Variants in SLC25A48 observed in about 807,000 individuals in gnomAD.
SLC25A48 encodes the protein CTC-321K16.1.
In SLC25A48, 29 loss-of-function variants were observed where a neutral mutation model predicts 32.2. That is an observed-to-expected ratio of 0.90 (90% CI 0.67 to 1.23). The LOEUF (loss-of-function observed/expected upper bound fraction) is 1.23, where lower values mean the gene tolerates loss of function less well. Ranked by LOEUF, SLC25A48 falls within the 50% of genes most tolerant of loss-of-function variation. The pLI is 0.00. For missense variants in SLC25A48, 399 were observed against 422.7 expected (o/e 0.94, Z 0.49); for synonymous variants, 164 against 172.3 (o/e 0.95, Z 0.38).
In SLC25A48 at chr5:135,626,866, T is replaced by C. The variant is rs6883273; in HGVS notation, c.-848-2371T>C. 9.4e-3 allele frequency among the ~76,000 whole-genome samples: 1,429 copies of C among 152,268 alleles called. 25 individuals are homozygous for C. The highest frequency in any genetic ancestry group is 0.033 in the African/African-American group (1,357 of 41,552). On this transcript the variant is annotated intron_variant, in intron 1 of 10. Transcript: ENST00000646290. ...CTGCACTGCCCTCAGTCCCAGATTG[T>C]CCAGGCCAGACCTTCCGATGCTCCT...
chr5:135,713,345 C>T (rs866594521), intron 3 of SLC25A48, among the ~76,000 whole-genome samples: 22 of 152,180 alleles, frequency 1.4e-4, no homozygotes, highest in African/African-American at 4.3e-4. Context: ...CATACTTTTA[C>T]GAAACTTTTT....
At chr5:135,824,017 G>A (rs1757959595) in intron 4 of SLC25A48, among the ~76,000 whole-genome samples, 1 of 152,148 alleles carries the variant, frequency 6.6e-6, no homozygotes, top group African/African-American at 2.4e-5. Flanking sequence ...AGACAGATAA[G>A]ACAGATAAGA....
intron 3 of SLC25A48, among the ~76,000 whole-genome samples, chr5:135,709,413 G>A (rs185005608): frequency 9.8e-5 from 15 of 152,326 alleles, no homozygotes; most frequent in East Asian, 3.9e-4. Context: ...CTTAACCCAC[G>A]GGTCCTGGCT....
intron 3 of SLC25A48, among the ~76,000 whole-genome samples, chr5:135,799,283 C>A (rs143128184): frequency 2.0e-5 from 3 of 151,712 alleles, no homozygotes; most frequent in African/African-American, 7.2e-5. Context: ...GATAATATTA[C>A]TACCAATATT....
chr5:135,661,218 G>A (rs1325971069), intron 3 of SLC25A48, among the ~76,000 whole-genome samples: 1 of 152,218 alleles, frequency 6.6e-6, no homozygotes, highest in Admixed American at 6.5e-5. Context: ...TCCTGCAGCT[G>A]CCTCTCTTCC....
At chr5:135,632,007 G>A (rs1752585975) in intron 2 of SLC25A48, among the ~76,000 whole-genome samples, 1 of 152,208 alleles carries the variant, frequency 6.6e-6, no homozygotes, top group Non-Finnish European at 1.5e-5. Context: ...TTTCTTCAGA[G>A]CCCCTCTACC....
intron 3 of SLC25A48, among the ~76,000 whole-genome samples, chr5:135,796,514 T>C (rs1050136379): frequency 2.0e-5 from 3 of 149,490 alleles, no homozygotes; most frequent in Non-Finnish European, 4.5e-5. Context: ...ATCCTGGGGG[T>C]GAGAGGATGA....
intron 3 of SLC25A48, among the ~76,000 whole-genome samples, chr5:135,725,953 A>ACCATTAATG (rs1418297816): frequency 1.4e-4 from 22 of 152,046 alleles, no homozygotes; most frequent in Non-Finnish European, 2.6e-4. Context: ...AGTTAAACAC[A>ACCATTAATG]CCATTAATGC....
At position 135,636,591 on chromosome 5, in the gene SLC25A48, T is replaced by C. The variant is rs563510832; in HGVS notation, c.-521+1635T>C. Among the ~76,000 whole-genome samples the C allele has an allele frequency of 2.6e-5, 4 of 152,300 alleles. No individual in the cohort carries two copies. In the East Asian group the frequency reaches 7.7e-4, roughly 29 times the overall value. On this transcript the variant is annotated intron_variant, in intron 3 of 10. Coordinates refer to the SLC25A48 transcript ENST00000646290. ...AGCTCTGGGTAGCTTCTGTCACACA[T>C]ATGGCTGCAGGAATCTGCTCACGTT...
chr5:135,803,146 T>C (rs1757374845), intron 3 of SLC25A48: 1 of 151,182 alleles, frequency 6.6e-6, no homozygotes, highest in African/African-American at 2.4e-5. Flanking sequence ...TGTACATCCA[T>C]TGATGTTATT....
intron 5 of SLC25A48, 69 bp downstream of exon 5, chr5:135,871,787 C>T (rs1471274448): frequency 6.3e-7 from 1 of 1,592,330 alleles, no homozygotes; most frequent in African/African-American, 1.3e-5. Context: ...GGGGAACTGC[C>T]ATGCCCTTCT....
At chr5:135,754,881 A>G (rs1209517939) in intron 3 of SLC25A48, among the ~76,000 whole-genome samples, 1 of 152,080 alleles carries the variant, frequency 6.6e-6, no homozygotes, top group Non-Finnish European at 1.5e-5. Flanking sequence ...GTGTTTATAC[A>G]CTGTGATAAT....
intron 3 of SLC25A48, among the ~76,000 whole-genome samples, chr5:135,768,164 C>T (rs755186307): frequency 4.5e-5 from 6 of 132,584 alleles, no homozygotes; most frequent in African/African-American, 1.4e-4. Context: ...ACACCCACTG[C>T]GATATTGGGA....
At chr5:135,855,585 C>A (rs575705832) in intron 4 of SLC25A48, among the ~76,000 whole-genome samples, 1 of 152,340 alleles carries the variant, frequency 6.6e-6, no homozygotes, top group South Asian at 2.1e-4. Context: ...GAGGTTTCTG[C>A]AGGCAAATAT....
At chr5:135,792,345 C>G (rs560389805) in intron 3 of SLC25A48, among the ~76,000 whole-genome samples, 1 of 151,690 alleles carries the variant, frequency 6.6e-6, no homozygotes, top group Non-Finnish European at 1.5e-5. Context: ...TCCTATAAAA[C>G]AGTGGTTGTA....
chr5:135,868,735 A>C (rs1581034688), intron 4 of SLC25A48, among the ~76,000 whole-genome samples: 1 of 152,188 alleles, frequency 6.6e-6, no homozygotes, highest in East Asian at 1.9e-4. Flanking sequence ...AGAAAAGAAG[A>C]AAAAGGATAA....
chr5:135,688,727 A>C (rs1754075797), intron 3 of SLC25A48, among the ~76,000 whole-genome samples: 1 of 152,236 alleles, frequency 6.6e-6, no homozygotes, highest in Non-Finnish European at 1.5e-5. Flanking sequence ...GCATGAGTTC[A>C]TCGAGATGCA....
At chr5:135,886,557 T>A (rs1272733871) in intron 7 of SLC25A48, among the ~76,000 whole-genome samples, 1 of 139,714 alleles carries the variant, frequency 7.2e-6, no homozygotes, top group Non-Finnish European at 1.5e-5. Context: ...TGAGTCTTCC[T>A]CCATCAACAC....
At chr5:135,645,518 C>G (rs907804559) in intron 3 of SLC25A48, among the ~76,000 whole-genome samples, 1 of 152,166 alleles carries the variant, frequency 6.6e-6, no homozygotes, top group Non-Finnish European at 1.5e-5. Flanking sequence ...GTGTTGAGTT[C>G]GAATTCACTC....
Sources: gnomAD v4.1 joint callset for allele counts (sites outside exome capture counted in the v4.1 genomes callset) on GRCh38, gnomAD v4.1.1 for gene constraint, MANE v1.5 for transcripts, NCBI Gene and HGNC (gene_info 2026-07-23, HGNC 2026-07-21) for gene names.